SLC2A9: variants seen among roughly 807,000 people sequenced by gnomAD.
SLC2A9 encodes solute carrier family 2, facilitated glucose transporter member 9.
Under a neutral mutation model 50.6 loss-of-function variants are expected in SLC2A9, and 39 were observed. That is an observed-to-expected ratio of 0.77 (90% CI 0.60 to 1.01). The LOEUF (loss-of-function observed/expected upper bound fraction) is 1.01, where lower values mean the gene tolerates loss of function less well. Ranked by LOEUF, SLC2A9 falls within the 50% of genes least tolerant of loss-of-function variation. The pLI, the probability that SLC2A9 is intolerant of heterozygous loss-of-function variation, is 0.00. For missense variants in SLC2A9, 686 were observed against 677.6 expected (o/e 1.01, Z -0.14); for synonymous variants, 324 against 276.9 (o/e 1.17, Z -1.69).
chr4:9,970,971 G>A (rs13112998), intron 5 of SLC2A9, among the ~76,000 whole-genome samples: 9,732 of 152,162 alleles, frequency 0.064, 815 homozygotes, highest in East Asian at 0.47. Flanking sequence ...TCTGACCACC[G>A]GTACATGCAG....
chr4:9,858,399 C>T (rs1187295852), intron 10 of SLC2A9, among the ~76,000 whole-genome samples: 3 of 152,158 alleles, frequency 2.0e-5, no homozygotes, highest in Non-Finnish European at 4.4e-5. Context: ...TGCACTTTAT[C>T]AAGGCTGCTA....
chr4:9,972,602 A>G (rs537253655), intron 5 of SLC2A9, among the ~76,000 whole-genome samples: 41 of 152,348 alleles, frequency 2.7e-4, no homozygotes, highest in Middle Eastern at 3.4e-3. Flanking sequence ...CCATACTCTC[A>G]GACCACAGTG....
intron 3 of SLC2A9, among the ~76,000 whole-genome samples, chr4:9,800,512 C>G (rs1382914098): frequency 1.3e-5 from 2 of 152,180 alleles, no homozygotes; most frequent in Non-Finnish European, 2.9e-5. Context: ...AGAATGAAAT[C>G]AACCCTGATG....
rs78549292 is a variant in SLC2A9 at position 9,808,573 on chromosome 4, C to G, written n.421-9332G>C. Among the ~76,000 whole-genome samples, 882 of 152,238 alleles carry G rather than the reference C, an allele frequency of 5.8e-3. 31 individuals carry two copies. In the East Asian group the frequency reaches 0.081, roughly 14 times the overall value. On this transcript the variant is annotated intron_variant and non_coding_transcript_variant, in intron 3 of 3. Transcript: ENST00000503280. ...ACTGGGACCCGCCTTCTTCCAGCCT[C>G]TCGGGATAAATTATTTAACCTGTTA...
At chr4:10,033,834 G>A (rs935574613) in intron 1 of SLC2A9, among the ~76,000 whole-genome samples, 1 of 152,196 alleles carries the variant, frequency 6.6e-6, no homozygotes, top group Non-Finnish European at 1.5e-5. Context: ...TCCAGGGCGA[G>A]GGCCACCCAA....
chr4:9,881,434 C>G (rs1735194159), intron 10 of SLC2A9, among the ~76,000 whole-genome samples: 1 of 152,222 alleles, frequency 6.6e-6, no homozygotes, highest in South Asian at 2.1e-4. Flanking sequence ...GCTGCTCTCA[C>G]TGCCTGGAAA....
intron 10 of SLC2A9, among the ~76,000 whole-genome samples, chr4:9,877,200 G>C (rs1029724914): frequency 6.6e-6 from 1 of 152,130 alleles, no homozygotes. Flanking sequence ...CCACGGATAG[G>C]GTTCTTTCTT....
At chr4:9,898,718 G>A (rs576333810) in intron 8 of SLC2A9, among the ~76,000 whole-genome samples, 80 of 152,314 alleles carry the variant, frequency 5.3e-4, no homozygotes, top group East Asian at 9.7e-4. Context: ...TCTGTGGGCC[G>A]TGTGGACTGA....
chr4:9,920,605 G>C (rs913891813), intron 6 of SLC2A9, 33 bp from the exon 7 acceptor site: 4 of 1,613,180 alleles, frequency 2.5e-6, no homozygotes, highest in Non-Finnish European at 3.4e-6. Flanking sequence ...ACTTTCAGCA[G>C]GGATTAGAGT....
At chr4:9,835,519 G>A (rs1726903072) in intron 10 of SLC2A9, among the ~76,000 whole-genome samples, 1 of 152,172 alleles carries the variant, frequency 6.6e-6, no homozygotes, top group Non-Finnish European at 1.5e-5. Flanking sequence ...AATCCCTCAG[G>A]GACTTTTACT....
At chr4:9,788,788 C>T (rs1021385032) in intron 3 of SLC2A9, among the ~76,000 whole-genome samples, 11 of 152,108 alleles carry the variant, frequency 7.2e-5, no homozygotes, top group African/African-American at 2.4e-4. Context: ...TTTTGACATG[C>T]TGTCATTATT....
At chr4:9,945,581 A>G (rs1749003924) in intron 5 of SLC2A9, among the ~76,000 whole-genome samples, 1 of 152,186 alleles carries the variant, frequency 6.6e-6, no homozygotes, top group Non-Finnish European at 1.5e-5. Flanking sequence ...TGGCCGCCAA[A>G]TCTGGGATCC....
At chr4:9,775,348 C>A (rs551012442), downstream of SLC2A9, among the ~76,000 whole-genome samples, 1 of 152,282 alleles carries the variant, frequency 6.6e-6, no homozygotes, top group African/African-American at 2.4e-5. Context: ...AGCCCCCATG[C>A]AGCATCAGAG....
At chr4:10,013,595 C>T (rs1332908344) in intron 2 of SLC2A9, among the ~76,000 whole-genome samples, 2 of 152,208 alleles carry the variant, frequency 1.3e-5, no homozygotes, top group Non-Finnish European at 2.9e-5. Context: ...AATTCTGAAC[C>T]TGGGTCAAGT....
chr4:9,936,670 G>A (rs1206454302), intron 6 of SLC2A9, among the ~76,000 whole-genome samples: 5 of 152,152 alleles, frequency 3.3e-5, no homozygotes, highest in African/African-American at 7.2e-5. Flanking sequence ...GAAGGCGCTC[G>A]ACATGCTAGA....
rs3733589 is a variant in SLC2A9, at chr4:9,985,700, G to T, written c.504C>A (p.Ile168=). ...CTATGCCCATGATGAAGCGTCCCAC[G>T]ATGAGCATTTCAAAGGCTCCTGCCT... ...SLQAGAFEML[I]VGRFIMGIDG... The change falls in exon 4 of 12, where the codon ATC becomes ATA. Residue 168 remains isoleucine (I), a synonymous_variant. Transcript: ENST00000264784. The T allele has an allele frequency of 6.2e-7, 1 of 1,613,932 alleles. No homozygotes were observed. Among genetic ancestry groups the T allele is most frequent in the East Asian group, 2.2e-5 (1 of 44,860 alleles).
chr4:9,848,776 C>T (rs1015497293), intron 10 of SLC2A9, among the ~76,000 whole-genome samples: 1 of 150,212 alleles, frequency 6.7e-6, no homozygotes, highest in African/African-American at 2.5e-5. Context: ...ACGATCTCGG[C>T]TCACTGCAAG....
intron 3 of SLC2A9, among the ~76,000 whole-genome samples, chr4:9,812,807 C>T (rs1723061124): frequency 6.6e-6 from 1 of 152,148 alleles, no homozygotes; most frequent in East Asian, 1.9e-4. Flanking sequence ...GCCTTTATTA[C>T]TTCCAAGCTC....
At chr4:9,916,440 A>G (rs1742862263) in intron 7 of SLC2A9, among the ~76,000 whole-genome samples, 2 of 152,252 alleles carry the variant, frequency 1.3e-5, no homozygotes, top group African/African-American at 2.4e-5. Flanking sequence ...CCAAGACTGC[A>G]TATCAGGAAG....
Sources: allele counts gnomAD v4.1 joint callset (sites outside exome capture counted in the v4.1 genomes callset), GRCh38; gene constraint gnomAD v4.1.1; transcripts MANE v1.5; gene names NCBI Gene and HGNC (gene_info 2026-07-23, HGNC 2026-07-21).